Variants in STRIP2 observed in about 807,000 individuals in gnomAD.
STRIP2 encodes the protein striatin-interacting protein 2.
A neutral mutation model predicts 107.1 loss-of-function variants in STRIP2; 84 were observed. That is an observed-to-expected ratio of 0.78 (90% confidence interval 0.66 to 0.94). The LOEUF (loss-of-function observed/expected upper bound fraction) is 0.94. Ranked by LOEUF, STRIP2 falls within the 40% of genes least tolerant of loss-of-function variation. The pLI is 0.00. For missense variants in STRIP2, 888 were observed against 1,034.2 expected (o/e 0.86, Z 1.94); for synonymous variants, 394 against 400.4 (o/e 0.98, Z 0.19).
chr7:129,455,331 C>G lies in STRIP2; in HGVS notation c.794C>G (p.Pro265Arg), dbSNP rs900215603. The change falls in exon 8 of 21, where the codon CCC becomes CGC. Residue 265 changes from proline (P) to arginine (R), a missense_variant. Coordinates refer to ENST00000249344, the MANE Select transcript of STRIP2 (RefSeq NM_020704.3). ...TGCAGTGGCCTGGCTCCTCACTTCC[C>G]CATAAAGAAGGTCCTGCTCCTGCTC... is the stretch of plus-strand genomic sequence containing the variant. ...KFCSGLAPHF[P>R]IKKVLLLLWK... 2 of 1,613,790 alleles carry G rather than the reference C, an allele frequency of 1.2e-6. No individual in the cohort carries two copies. The highest frequency in any genetic ancestry group is 1.1e-5 in the South Asian group (1 of 91,034).
rs144774167 is a variant in STRIP2, at chr7:129,453,133, G to A, written c.410-94G>A. On this transcript the variant is annotated intron_variant, in intron 4 of 20. Coordinates refer to ENST00000249344, the MANE Select transcript of STRIP2 (RefSeq NM_020704.3). ...TATGTCAGCCTAATTATTAGGCAGA[G>A]TATTATAGGAAAATCTTAAGATCAT... 25 of 1,548,882 alleles carry A rather than the reference G, an allele frequency of 1.6e-5. 1 individual carries two copies. The East Asian group carries it at 4.7e-4, about 29-fold the overall frequency.
At position 129,451,797 on chromosome 7, in the gene STRIP2, A is replaced by T. The variant is rs753587376; in HGVS notation, c.409+50A>T. 3.1e-6 allele frequency: 5 copies of T among 1,608,084 alleles called. No individual in the cohort carries two copies. In the African/African-American group the frequency reaches 4.0e-5, roughly 13 times the overall value. ...TAGAGGGGTGGAGGCTTGAGAGGGA[A>T]GTGGGCATTATCAGGACTGAGATGA... On this transcript the variant is annotated intron_variant, in intron 4 of 20. Transcript: ENST00000249344.
Position 129,480,770 on chromosome 7 carries a change from T to C in STRIP2, c.1945-15T>C. Reference sequence around the variant, plus strand: ...TTGTAGGTATTAAGATAATGATGGATGTTCCCTACTATAGGAAGCTGGAGA... The same window carrying C: ...TTGTAGGTATTAAGATAATGATGGACGTTCCCTACTATAGGAAGCTGGAGA... On this transcript the variant is annotated splice_polypyrimidine_tract_variant and intron_variant, in intron 18 of 20. Coordinates refer to ENST00000249344, the MANE Select transcript of STRIP2 (RefSeq NM_020704.3). 3 of 1,601,882 alleles carry C rather than the reference T, an allele frequency of 1.9e-6. No homozygotes were observed. The highest frequency in any genetic ancestry group is 2.6e-6 in the Non-Finnish European group (3 of 1,172,644).
intron 4 of STRIP2, 26 bp from the exon 5 acceptor site, chr7:129,453,201 C>G (rs1195830918): frequency 4.3e-6 from 7 of 1,613,504 alleles, no homozygotes; most frequent in Non-Finnish European, 5.9e-6. Context: ...CCCCTCAACC[C>G]CTGTAACAAC....
intron 17 of STRIP2, among the ~76,000 whole-genome samples, chr7:129,467,675 T>C (rs11771841): frequency 0.2 from 30,108 of 152,188 alleles, 3,919 homozygotes; most frequent in Non-Finnish European, 0.28. Flanking sequence ...AAAAATGTCA[T>C]GACTTAAAGA....
intron 4 of STRIP2, among the ~76,000 whole-genome samples, chr7:129,452,429 GA>G (rs1325177690): frequency 4.6e-5 from 7 of 152,078 alleles, no homozygotes; most frequent in Non-Finnish European, 8.8e-5. Flanking sequence ...ATGAAGAGGG[GA>G]AAGGGTGGAC....
At chr7:129,448,873 G>T (rs1338836644) in intron 3 of STRIP2, among the ~76,000 whole-genome samples, 1 of 152,202 alleles carries the variant, frequency 6.6e-6, no homozygotes, top group African/African-American at 2.4e-5. Flanking sequence ...CTTCAAAGAT[G>T]CAGTTGCTGC....
In STRIP2 at chr7:129,458,557, C is replaced by A; in HGVS notation, c.1274+107C>A. The A allele has an allele frequency of 8.0e-7, 1 of 1,247,476 alleles. No homozygotes were observed. Among genetic ancestry groups the A allele is most frequent in the South Asian group, 1.4e-5 (1 of 69,424 alleles). The allele number at this position is 1,247,476 out of a possible 1,614,324, so 77.3% of individuals were successfully genotyped here. On this transcript the variant is annotated intron_variant, in intron 10 of 20. Coordinates refer to ENST00000249344, the MANE Select transcript of STRIP2 (RefSeq NM_020704.3). This position sits in a 1 kb window ranked among gnomAD's most constrained non-coding sequence, Gnocchi z 4.6. ...AGGCTCGTTAAGTTGGTCTGGCAGT[C>A]AGAACTCCTGGGTTTGAAATTCCTT...
chr7:129,462,361 A>T (rs1330497328), intron 13 of STRIP2, among the ~76,000 whole-genome samples: 1 of 152,214 alleles, frequency 6.6e-6, no homozygotes, highest in Non-Finnish European at 1.5e-5. Context: ...AGGGAACTGC[A>T]TTGGTCAAAG....
At chr7:129,469,307 G>A (rs558243034) in intron 17 of STRIP2, among the ~76,000 whole-genome samples, 1 of 152,330 alleles carries the variant, frequency 6.6e-6, no homozygotes, top group African/African-American at 2.4e-5. Flanking sequence ...AATGATCTCT[G>A]AGAACTTGGA....
intron 1 of STRIP2, among the ~76,000 whole-genome samples, chr7:129,439,094 TG>T (rs1464158939): frequency 6.6e-6 from 1 of 152,200 alleles, no homozygotes; most frequent in South Asian, 2.1e-4. Flanking sequence ...TCCCTGGATG[TG>T]GGGGTGGTGC....
chr7:129,466,818 C>T (rs573234789), intron 16 of STRIP2, among the ~76,000 whole-genome samples: 21 of 152,260 alleles, frequency 1.4e-4, no homozygotes, highest in African/African-American at 5.1e-4. Flanking sequence ...ATACTCCAAG[C>T]GGCCAGTATA....
At chr7:129,451,773 A>T in intron 4 of STRIP2, 26 bp downstream of exon 4, 1 of 1,596,176 alleles carries the variant, frequency 6.3e-7, no homozygotes, top group Non-Finnish European at 8.5e-7. Context: ...TGCTAGCTTT[A>T]GAGGGGTGGA....
intron 1 of STRIP2, among the ~76,000 whole-genome samples, chr7:129,437,708 GC>G (rs760498313): frequency 8.6e-5 from 13 of 151,744 alleles, no homozygotes; most frequent in South Asian, 4.2e-4. Flanking sequence ...TATGTCATTT[GC>G]CACTCTCCAC....
chr7:129,469,586 G>GA (rs1562912153), intron 17 of STRIP2, among the ~76,000 whole-genome samples: 1 of 152,164 alleles, frequency 6.6e-6, no homozygotes, highest in East Asian at 1.9e-4. Flanking sequence ...GCAACCCTGG[G>GA]AAAATCCAAT....
Position 129,458,057 on chromosome 7 carries a change from G to A in STRIP2, c.1039-158G>A. 2 of 699,746 alleles carry A rather than the reference G, an allele frequency of 2.9e-6. No individual in the cohort carries two copies. The highest frequency in any genetic ancestry group is 2.6e-6 in the Non-Finnish European group (1 of 383,758). 43.3% of individuals were successfully genotyped at this position (699,746 alleles called of 1,614,324 possible). Reference sequence around the variant, plus strand: ...TTGTCCTGTTATTGGGCCGGGTGGGGACAGTAGGTTAAGGTGGGGAATTGG... The same window carrying A: ...TTGTCCTGTTATTGGGCCGGGTGGGAACAGTAGGTTAAGGTGGGGAATTGG... On this transcript the variant is annotated intron_variant, in intron 9 of 20. Transcript: ENST00000249344. The surrounding 1 kb of genome is among the most constrained non-coding windows in gnomAD (Gnocchi z 4.6).
At position 129,458,698 on chromosome 7, in the gene STRIP2, C is replaced by T; in HGVS notation, c.1275-14C>T. 1 of 1,614,056 alleles carries T rather than the reference C, an allele frequency of 6.2e-7. No individual in the cohort carries two copies. The highest frequency in any genetic ancestry group is 8.5e-7 in the Non-Finnish European group (1 of 1,179,932). ...TTCCCTTCTCTGGGATTGGTCTTTC[C>T]ACCATCCTCTCAGACAGAAGGACAT... On this transcript the variant is annotated splice_polypyrimidine_tract_variant and intron_variant, in intron 10 of 20. Transcript: ENST00000249344. This position sits in a 1 kb window ranked among gnomAD's most constrained non-coding sequence, Gnocchi z 4.6.
intron 18 of STRIP2, among the ~76,000 whole-genome samples, chr7:129,471,890 A>T (rs1798796341): frequency 6.6e-6 from 1 of 152,192 alleles, no homozygotes; most frequent in Non-Finnish European, 1.5e-5. Flanking sequence ...CAGCCAAAGA[A>T]GTTGGAAGCT....
intron 2 of STRIP2, 147 bp downstream of exon 2, chr7:129,440,238 G>T (rs1797861455): frequency 1.5e-6 from 1 of 654,062 alleles, no homozygotes; most frequent in Non-Finnish European, 2.7e-6. Context: ...CTCCATCCAA[G>T]TGGTAAATAT....
Sources: gnomAD v4.1 joint callset for allele counts (sites outside exome capture counted in the v4.1 genomes callset) on GRCh38, gnomAD v4.1.1 for gene constraint, Gnocchi (gnomAD v3.1) non-coding constraint, MANE v1.5 for transcripts, NCBI Gene and HGNC (gene_info 2026-07-23, HGNC 2026-07-21) for gene names.